The following BTBD8 variants were observed in gnomAD, a reference collection of about 807,000 sequenced individuals.
The protein encoded by BTBD8 is BTB domain containing 8, also known as BTB/POZ domain-containing protein 8.
A neutral mutation model predicts 162.9 loss-of-function variants in BTBD8; 110 were observed. The observed-to-expected ratio is 0.68, with a 90% CI of 0.58 to 0.79. The LOEUF (loss-of-function observed/expected upper bound fraction) is 0.79, where lower values mean the gene tolerates loss of function less well. BTBD8 is among the 30% of genes least tolerant of loss of function. The probability of loss-of-function intolerance (pLI) is 0.00; values close to 1 mark genes in which losing one functional copy is unlikely to be tolerated. For synonymous variants in BTBD8, 667 were observed against 716.1 expected, an observed-to-expected ratio of 0.93 and a Z score of 1.10; for missense variants, 1,905 against 2,085.4, an observed-to-expected ratio of 0.91 and a Z score of 1.68.
chr1:92,107,731 G>T (rs1648771064), intron 3 of BTBD8, among the ~76,000 whole-genome samples, 153 bp from the exon 4 acceptor site: 1 of 152,152 alleles, frequency 6.6e-6, no homozygotes, highest in African/African-American at 2.4e-5. Flanking sequence ...AAGTCTAGAT[G>T]ATTTAAACTT....
intron 9 of BTBD8, among the ~76,000 whole-genome samples, chr1:92,163,373 A>G (rs1216750197): frequency 6.7e-6 from 1 of 149,080 alleles, no homozygotes; most frequent in East Asian, 2.0e-4. Context: ...AAAAAAAAAA[A>G]AAAAAAAAAA....
At chr1:92,125,392 G>A in intron 4 of BTBD8, 2 of 245,126 alleles carry the variant, frequency 8.2e-6, no homozygotes, top group Non-Finnish European at 1.6e-5. Context: ...TTCAGGCACT[G>A]CTCAAAGATT....
intron 9 of BTBD8, among the ~76,000 whole-genome samples, chr1:92,160,242 T>C (rs1270327626): frequency 6.6e-6 from 1 of 152,166 alleles, no homozygotes; most frequent in African/African-American, 2.4e-5. Context: ...GTCTACCTCT[T>C]TGATGAAATT....
At chr1:92,128,369 C>G (rs1356590214) in intron 4 of BTBD8, among the ~76,000 whole-genome samples, 1 of 152,100 alleles carries the variant, frequency 6.6e-6, no homozygotes, top group Non-Finnish European at 1.5e-5. Context: ...AGCTCCGCCT[C>G]CTGGGTTCAC....
intron 7 of BTBD8, among the ~76,000 whole-genome samples, chr1:92,142,906 T>C (rs948578013): frequency 3.3e-5 from 5 of 152,186 alleles, no homozygotes; most frequent in African/African-American, 1.2e-4. Context: ...ACCAGAGCCA[T>C]TTATAGTCTT....
chr1:92,150,257 C>T (rs1212435828), intron 9 of BTBD8, among the ~76,000 whole-genome samples: 1 of 152,140 alleles, frequency 6.6e-6, no homozygotes. Flanking sequence ...CTAGTAGAGA[C>T]CCAAGACACT....
In BTBD8 at chr1:92,100,068, G is replaced by A. The variant is rs1015817438; in HGVS notation, c.348-2405G>A. On this transcript the variant is annotated intron_variant, in intron 2 of 17. Transcript: ENST00000636805. Reference sequence around the variant, plus strand: ...TTGTTGAATGTTTTATCATGACAGCGTGTTGGGCTTTGTCAAATGATTTTT... The same window carrying A: ...TTGTTGAATGTTTTATCATGACAGCATGTTGGGCTTTGTCAAATGATTTTT... Among the ~76,000 whole-genome samples the A allele has an allele frequency of 5.3e-5, 8 of 152,248 alleles. 1 individual carries two copies. The highest frequency in any genetic ancestry group is 3.9e-4 in the Admixed American group (6 of 15,288).
chr1:92,180,214 C>A (rs1650840547), intron 16 of BTBD8, 51 bp from the exon 17 acceptor site: 2 of 1,292,716 alleles, frequency 1.5e-6, no homozygotes, highest in Non-Finnish European at 2.1e-6. Context: ...ATTTTACTCA[C>A]AAATTGGAGG....
chr1:92,160,492 C>A (rs1305118827), intron 9 of BTBD8, among the ~76,000 whole-genome samples: 1 of 152,022 alleles, frequency 6.6e-6, no homozygotes, highest in Non-Finnish European at 1.5e-5. Flanking sequence ...CAGGAGAAGA[C>A]CCTTACTAAT....
chr1:92,161,912 T>C (rs1226974217), intron 9 of BTBD8, among the ~76,000 whole-genome samples: 1 of 152,170 alleles, frequency 6.6e-6, no homozygotes, highest in African/African-American at 2.4e-5. Context: ...TCACAAAAGA[T>C]CTCTTAGCCT....
At chr1:92,117,127 G>A (rs1165521352) in intron 4 of BTBD8, among the ~76,000 whole-genome samples, 1 of 151,804 alleles carries the variant, frequency 6.6e-6, no homozygotes, top group African/African-American at 2.4e-5. Flanking sequence ...TGGGATTACA[G>A]GTGTGACCTA....
chr1:92,121,420 C>T (rs1431168724), intron 4 of BTBD8, among the ~76,000 whole-genome samples: 1 of 152,088 alleles, frequency 6.6e-6, no homozygotes, highest in African/African-American at 2.4e-5. Flanking sequence ...GAAGTATTTC[C>T]TCTTTTTTAT....
intron 4 of BTBD8, among the ~76,000 whole-genome samples, chr1:92,111,922 C>A (rs543079120): frequency 3.9e-4 from 59 of 152,230 alleles, no homozygotes; most frequent in African/African-American, 1.3e-3. Flanking sequence ...GCCACAGGGA[C>A]CTGCAAGTCT....
At chr1:92,146,393 C>T (rs937922988) in intron 7 of BTBD8, among the ~76,000 whole-genome samples, 13 of 152,138 alleles carry the variant, frequency 8.5e-5, no homozygotes, top group African/African-American at 2.4e-4. Flanking sequence ...CATAGCTTCC[C>T]CCATTATCAA....
chr1:92,097,631 T>C (rs2101899353), intron 2 of BTBD8, among the ~76,000 whole-genome samples: 1 of 152,316 alleles, frequency 6.6e-6, no homozygotes, highest in South Asian at 2.1e-4. Context: ...AATGGAATCA[T>C]TCAATATATG....
chr1:92,141,897 A>G (rs1349121285), intron 7 of BTBD8, among the ~76,000 whole-genome samples: 1 of 152,202 alleles, frequency 6.6e-6, no homozygotes, highest in East Asian at 1.9e-4. Context: ...AACTTTTTAC[A>G]TCATATTTCT....
In BTBD8 at chr1:92,181,454, C is replaced by T. The variant is rs1160991172; in HGVS notation, c.3771C>T (p.Thr1257=). 6.4e-7 allele frequency: 1 copy of T among 1,551,676 alleles called. No homozygotes were observed. The highest frequency in any genetic ancestry group is 2.0e-5 in the Admixed American group (1 of 50,984). Residue 1257 remains threonine (T), a synonymous_variant, in exon 17 of 18, where the codon ACC becomes ACT. Coordinates refer to ENST00000636805, the MANE Select transcript of BTBD8 (RefSeq NM_001376131.1). ...AATCTGACACTGGCAGTGCTACCAC[C>T]TCCTCCGATGACATAAAGCCCAGAT... ...SPESDTGSAT[T]SSDDIKPRSE...
At chr1:92,161,964 CTTTT>C (rs1164043216) in intron 9 of BTBD8, among the ~76,000 whole-genome samples, 1 of 152,094 alleles carries the variant, frequency 6.6e-6, no homozygotes, top group Non-Finnish European at 1.5e-5. Context: ...TTTCTTCTTC[CTTTT>C]TTTGTCTTCC....
intron 4 of BTBD8, among the ~76,000 whole-genome samples, chr1:92,117,934 A>G (rs1193568430): frequency 1.3e-5 from 2 of 152,034 alleles, no homozygotes; most frequent in Non-Finnish European, 2.9e-5. Flanking sequence ...TAATTATTAA[A>G]TGGAAGGTAG....
Sources: allele counts gnomAD v4.1 joint callset (sites outside exome capture counted in the v4.1 genomes callset), GRCh38; gene constraint gnomAD v4.1.1; transcripts MANE v1.5; gene names NCBI Gene and HGNC (gene_info 2026-07-23, HGNC 2026-07-21).